STAT3: variants seen among roughly 807,000 people sequenced by gnomAD.
The protein encoded by STAT3 is signal transducer and activator of transcription 3.
Under a neutral mutation model 114.3 loss-of-function variants are expected in STAT3, and 7 were observed. That is an observed-to-expected ratio of 0.06 (90% CI 0.03 to 0.11). The LOEUF (loss-of-function observed/expected upper bound fraction) is 0.11, where lower values mean the gene tolerates loss of function less well. Ranked by LOEUF, STAT3 falls within the 10% of genes least tolerant of loss-of-function variation. The probability of loss-of-function intolerance (pLI) is 1.00; values close to 1 mark genes in which losing one functional copy is unlikely to be tolerated. For missense variants in STAT3, 364 were observed against 960.9 expected (o/e 0.38, Z 8.21); for synonymous variants, 331 against 354.5 (o/e 0.93, Z 0.74).
intron 4 of STAT3, among the ~76,000 whole-genome samples, chr17:42,340,211 C>G (rs2082383623): frequency 6.6e-6 from 1 of 151,850 alleles, no homozygotes; most frequent in South Asian, 2.1e-4. Flanking sequence ...ACAAAGTTAG[C>G]TGAGCTTGGT....
chr17:42,373,024 C>A (rs2084240993), intron 1 of STAT3, among the ~76,000 whole-genome samples: 1 of 152,146 alleles, frequency 6.6e-6, no homozygotes, highest in African/African-American at 2.4e-5. Context: ...GTACTTTCCA[C>A]ATAATTTTTC....
intron 1 of STAT3, among the ~76,000 whole-genome samples, chr17:42,361,924 G>A (rs773773102): frequency 6.6e-6 from 1 of 152,204 alleles, no homozygotes. Flanking sequence ...TAGCAGCATT[G>A]TAAGTGTTTT....
intron 1 of STAT3, among the ~76,000 whole-genome samples, chr17:42,364,575 A>G (rs2083680900): frequency 6.6e-6 from 1 of 152,184 alleles, no homozygotes; most frequent in African/African-American, 2.4e-5. Flanking sequence ...GCAGATAAAG[A>G]GAACTTAAGC....
chr17:42,323,365 G>C lies in STAT3; in HGVS notation c.1654-11C>G, dbSNP rs17882035. 2,532 of 1,614,040 alleles carry C rather than the reference G, an allele frequency of 1.6e-3. 46 individuals carry two copies. The African/African-American group carries it at 0.03, about 19-fold the overall frequency. ...GCCAGCCATGTTTTCCTGGAGAAAA[G>C]AGTAATGGGAAAGCCAAGTCTACTG... is the stretch of plus-strand genomic sequence containing the variant. On this transcript the variant is annotated splice_polypyrimidine_tract_variant and intron_variant, in intron 18 of 23. Transcript: ENST00000264657.
intron 1 of STAT3, among the ~76,000 whole-genome samples, chr17:42,376,637 G>GAGAT (rs1244041780): frequency 2.0e-5 from 3 of 151,776 alleles, no homozygotes; most frequent in Non-Finnish European, 4.4e-5. Context: ...ACAAGGTCAG[G>GAGAT]AGATAGAGAC....
At position 42,314,230 on chromosome 17, in the gene STAT3, G is replaced by C. The variant is rs1360322444; in HGVS notation, c.*1515C>G. 1 of 232,644 alleles carries C rather than the reference G, an allele frequency of 4.3e-6. No individual in the cohort carries two copies. Among genetic ancestry groups the C allele is most frequent in the Non-Finnish European group, 8.5e-6 (1 of 117,418 alleles). 14.4% of individuals were successfully genotyped at this position (232,644 alleles called of 1,614,324 possible). A position where few individuals can be genotyped will look rare whatever the true frequency, so the allele number is the denominator to read the frequency against. On this transcript the variant is annotated 3_prime_UTR_variant, in exon 24 of 24. Transcript: ENST00000264657. ...AAGTTTATCAGTAAGCCTTTGCCCTGCATGAACTGAATGAAGACGCCATTA... is the reference window on the plus strand; with the variant it reads ...AAGTTTATCAGTAAGCCTTTGCCCTCCATGAACTGAATGAAGACGCCATTA...
chr17:42,359,401 T>A (rs1472811906), intron 1 of STAT3, among the ~76,000 whole-genome samples: 1 of 152,100 alleles, frequency 6.6e-6, no homozygotes, highest in African/African-American at 2.4e-5. Flanking sequence ...AAGGAGTCAG[T>A]GATGCTGTGA....
At chr17:42,365,295 A>C (rs2083716712) in intron 1 of STAT3, among the ~76,000 whole-genome samples, 1 of 152,202 alleles carries the variant, frequency 6.6e-6, no homozygotes, top group African/African-American at 2.4e-5. Context: ...TCTCAGCTGA[A>C]ATCAGCCTTT....
chr17:42,323,722 G>A, intron 17 of STAT3, 97 bp from the exon 18 acceptor site: 2 of 1,160,586 alleles, frequency 1.7e-6, no homozygotes, highest in Non-Finnish European at 1.3e-6. Context: ...CCCACAATGG[G>A]CCACAAAATA....
rs79179086 is a variant in STAT3 at position 42,344,960 on chromosome 17, G to A, written c.372+599C>T. On this transcript the variant is annotated intron_variant, in intron 4 of 23. Coordinates refer to ENST00000264657, the MANE Select transcript of STAT3 (RefSeq NM_139276.3). Reference sequence around the variant, plus strand: ...AGTTTGAATGATATTGGAATAATCTGTACTATGAAAGTTTGTCAGAACAGG... The same window carrying A: ...AGTTTGAATGATATTGGAATAATCTATACTATGAAAGTTTGTCAGAACAGG... Among the ~76,000 whole-genome samples the A allele has an allele frequency of 8.9e-3, 1,345 of 151,830 alleles. 72 individuals carry two copies. The East Asian group carries it at 0.16, about 18-fold the overall frequency.
At chr17:42,385,949 C>A (rs1386886521) in intron 1 of STAT3, among the ~76,000 whole-genome samples, 1 of 152,022 alleles carries the variant, frequency 6.6e-6, no homozygotes, top group African/African-American at 2.4e-5. Context: ...GTCTTTCAGC[C>A]TATTGGTGGT....
Position 42,314,850 on chromosome 17 carries a change from T to C in STAT3, c.*895A>G, listed in dbSNP as rs537640981. ...ACCAAGGAGGCTGTTAACTGAAGTT[T>C]CTTTTTTTTTTTTTTTTTTTTGAGA... On this transcript the variant is annotated 3_prime_UTR_variant, in exon 24 of 24. Transcript: ENST00000264657. The C allele has an allele frequency of 2.7e-4, 49 of 183,124 alleles. No individual in the cohort carries two copies. Among genetic ancestry groups the C allele is most frequent in the Non-Finnish European group, 4.8e-4 (42 of 88,358 alleles). The allele number at this position is 183,124 out of a possible 1,614,324, so 11.3% of individuals were successfully genotyped here. A position where few individuals can be genotyped will look rare whatever the true frequency, so the allele number is the denominator to read the frequency against.
intron 4 of STAT3, among the ~76,000 whole-genome samples, chr17:42,344,648 G>A (rs983513724): frequency 1.3e-5 from 2 of 151,616 alleles, no homozygotes; most frequent in Non-Finnish European, 2.9e-5. Flanking sequence ...GAACCTGGGA[G>A]GCGGAGGTTG....
At chr17:42,373,661 G>A (rs1244054156) in intron 1 of STAT3, among the ~76,000 whole-genome samples, 1 of 151,836 alleles carries the variant, frequency 6.6e-6, no homozygotes, top group African/African-American at 2.4e-5. Flanking sequence ...AGGCCGAGGC[G>A]GGTGGATCAC....
intron 1 of STAT3, among the ~76,000 whole-genome samples, chr17:42,385,896 A>C (rs2085074705): frequency 6.6e-6 from 1 of 152,160 alleles, no homozygotes; most frequent in African/African-American, 2.4e-5. Flanking sequence ...CTCCATTTGT[A>C]TTTCTTTTTT....
intron 1 of STAT3, among the ~76,000 whole-genome samples, chr17:42,353,556 T>C (rs1453033822): frequency 6.6e-6 from 1 of 152,162 alleles, no homozygotes; most frequent in African/African-American, 2.4e-5. Flanking sequence ...TAAACTCCAG[T>C]GTTTAAAATT....
Position 42,324,632 on chromosome 17 carries a change from T to A in STAT3, c.1600+79A>T. 1 of 1,494,928 alleles carries A rather than the reference T, an allele frequency of 6.7e-7. No individual in the cohort carries two copies. The allele number at this position is 1,494,928 out of a possible 1,614,324, so 92.6% of individuals were successfully genotyped here. A position where few individuals can be genotyped will look rare whatever the true frequency, so the allele number is the denominator to read the frequency against. On this transcript the variant is annotated intron_variant, in intron 17 of 23. Transcript: ENST00000264657. The surrounding 1 kb of genome is among the most constrained non-coding windows in gnomAD (Gnocchi z 4.5). The stretch of plus-strand genomic sequence containing the variant: ...AACATGGCCTAATGCTCAGTAGACA[T>A]GGCCCAAATGAACAGCCCTATGGGC...
rs1050775369 is a variant in STAT3 at position 42,314,673 on chromosome 17, A to G, written c.*1072T>C. 2.7e-5 allele frequency: 6 copies of G among 224,428 alleles called. No individual in the cohort carries two copies. The highest frequency in any genetic ancestry group is 4.5e-5 in the Non-Finnish European group (5 of 112,184). 13.9% of individuals were successfully genotyped at this position (224,428 alleles called of 1,614,324 possible). A position where few individuals can be genotyped will look rare whatever the true frequency, so the allele number is the denominator to read the frequency against. ...CAAAGGAAAATAAGTCTATTTATAA[A>G]AAAAAGTCTAAAATGCTTAGATTCT... is the stretch of plus-strand genomic sequence containing the variant. On this transcript the variant is annotated 3_prime_UTR_variant, in exon 24 of 24. Transcript: ENST00000264657.
chr17:42,378,708 G>T (rs1185320452), intron 1 of STAT3, among the ~76,000 whole-genome samples: 2 of 152,142 alleles, frequency 1.3e-5, no homozygotes, highest in Non-Finnish European at 1.5e-5. Flanking sequence ...TTCAAAGGCC[G>T]ACTATTTCAA....
Sources: gnomAD v4.1 joint callset for allele counts (sites outside exome capture counted in the v4.1 genomes callset) on GRCh38, gnomAD v4.1.1 for gene constraint, Gnocchi (gnomAD v3.1) non-coding constraint, MANE v1.5 for transcripts, NCBI Gene and HGNC (gene_info 2026-07-23, HGNC 2026-07-21) for gene names.